The following PRKD3 variants were observed in gnomAD, a reference collection of about 807,000 sequenced individuals.
PRKD3 encodes the protein protein kinase D3, also known as serine/threonine-protein kinase D3.
In PRKD3, 47 loss-of-function variants were observed where a neutral mutation model predicts 99.2. That is an observed-to-expected ratio of 0.47 (90% CI 0.38 to 0.60). PRKD3 has a LOEUF of 0.60. Ranked by LOEUF, PRKD3 falls within the 20% of genes least tolerant of loss-of-function variation. PRKD3 has a pLI of 0.00. For missense variants in PRKD3, 1,019 were observed against 1,088.4 expected, an observed-to-expected ratio of 0.94 and a Z score of 0.90; for synonymous variants, 392 against 355.4, an observed-to-expected ratio of 1.10 and a Z score of -1.16.
chr2:37,272,237 C>T, intron 12 of PRKD3, 143 bp downstream of exon 12: 1 of 1,245,066 alleles, frequency 8.0e-7, no homozygotes, highest in Non-Finnish European at 1.1e-6. Flanking sequence ...CTCTATAAAG[C>T]AGAACTCCTT....
At chr2:37,291,275 T>C (rs1343134475) in intron 3 of PRKD3, among the ~76,000 whole-genome samples, 1 of 152,210 alleles carries the variant, frequency 6.6e-6, no homozygotes, top group Non-Finnish European at 1.5e-5. Context: ...AAACAGACAT[T>C]AGGTTACTTT....
chr2:37,299,268 GAAGAA>G (rs1670807287), intron 2 of PRKD3, among the ~76,000 whole-genome samples: 1 of 152,022 alleles, frequency 6.6e-6, no homozygotes, highest in African/African-American at 2.4e-5. Flanking sequence ...TCATATTCTA[GAAGAA>G]AACAATGGGG....
chr2:37,299,376 A>G (rs146106882), intron 2 of PRKD3, among the ~76,000 whole-genome samples: 40 of 152,252 alleles, frequency 2.6e-4, no homozygotes, highest in African/African-American at 8.9e-4. Flanking sequence ...AGGGGGTCAC[A>G]TCAAGCTAAA....
Position 37,279,809 on chromosome 2 carries a change from A to C in PRKD3, c.1109T>G (p.Met370Arg). 1 of 1,613,906 alleles carries C rather than the reference A, an allele frequency of 6.2e-7. No homozygotes were observed. The highest frequency in any genetic ancestry group is 8.5e-7 in the Non-Finnish European group (1 of 1,179,960). The change falls in exon 8 of 19, where the codon ATG becomes AGG. Residue 370 changes from methionine to arginine, a missense_variant. Coordinates refer to ENST00000234179, the MANE Select transcript of PRKD3 (RefSeq NM_005813.6). ...TEEPSPPEDK[M>R]FFLDPSDLDV... is the part of the protein sequence containing the mutation. ...GAGATCAGATGGATCCAAGAAGAAC[A>C]TCTTATCTTCTGGGGGTGATGGCTC...
chr2:37,312,837 A>G (rs553220769), intron 2 of PRKD3, among the ~76,000 whole-genome samples: 1 of 152,330 alleles, frequency 6.6e-6, no homozygotes, highest in Admixed American at 6.5e-5. Context: ...AGAGGCTTGC[A>G]GGAACCTATC....
intron 2 of PRKD3, among the ~76,000 whole-genome samples, chr2:37,305,575 G>C (rs1671125746): frequency 6.6e-6 from 1 of 152,224 alleles, no homozygotes; most frequent in African/African-American, 2.4e-5. Context: ...ATCAGAAATT[G>C]TGCAAAGCAC....
intron 2 of PRKD3, among the ~76,000 whole-genome samples, chr2:37,315,378 T>C (rs1671613762): frequency 1.3e-5 from 2 of 152,184 alleles, no homozygotes; most frequent in Admixed American, 1.3e-4. Flanking sequence ...TATTTTGTCG[T>C]ATATTCAAAA....
intron 16 of PRKD3, among the ~76,000 whole-genome samples, chr2:37,259,046 C>T (rs1668203827): frequency 1.1e-5 from 1 of 94,408 alleles, no homozygotes; most frequent in Non-Finnish European, 2.3e-5. Context: ...TCAAGATGAA[C>T]ACTTGGAAAA....
intron 1 of PRKD3, among the ~76,000 whole-genome samples, chr2:37,319,529 A>G (rs1257035287): frequency 1.1e-4 from 17 of 152,348 alleles, no homozygotes; most frequent in South Asian, 1.0e-3. Flanking sequence ...TGTGCAATAC[A>G]GAAATGGGGA....
chr2:37,315,427 C>T (rs1671615755), intron 2 of PRKD3, among the ~76,000 whole-genome samples: 1 of 151,994 alleles, frequency 6.6e-6, no homozygotes, highest in African/African-American at 2.4e-5. Context: ...AAGCATGGTC[C>T]TATATTAAAT....
In PRKD3 at chr2:37,266,371, G is replaced by A. The variant is rs546860406; in HGVS notation, c.1884+1059C>T. Among the ~76,000 whole-genome samples, 5 of 152,284 alleles carry A rather than the reference G, an allele frequency of 3.3e-5. No individual in the cohort carries two copies. In the South Asian group the frequency reaches 6.2e-4, roughly 19 times the overall value. ...ACGGAGTTTCCCTCTTGTTGCCCAG[G>A]CTGGAGTGCAATGGCATGATCTCAG... On this transcript the variant is annotated intron_variant, in intron 14 of 18. Coordinates refer to ENST00000234179, the MANE Select transcript of PRKD3 (RefSeq NM_005813.6).
intron 14 of PRKD3, among the ~76,000 whole-genome samples, chr2:37,264,395 T>C (rs950971329): frequency 2.6e-5 from 4 of 152,132 alleles, no homozygotes; most frequent in African/African-American, 9.7e-5. Flanking sequence ...CAAAGATGCC[T>C]TGTCTCGCAG....
chr2:37,277,768 T>TTA (rs1196465296), intron 9 of PRKD3, 98 bp downstream of exon 9: 11 of 1,341,724 alleles, frequency 8.2e-6, no homozygotes, highest in Non-Finnish European at 1.0e-5. Flanking sequence ...ATATAATGTC[T>TTA]TAATATGTAT....
At chr2:37,312,529 T>C (rs899888822) in intron 2 of PRKD3, among the ~76,000 whole-genome samples, 12 of 152,208 alleles carry the variant, frequency 7.9e-5, no homozygotes, top group Non-Finnish European at 1.6e-4. Context: ...AAGAGTCCTT[T>C]TCACAGTCTA....
Position 37,254,308 on chromosome 2 carries a change from C to T in PRKD3, c.2414-19G>A, listed in dbSNP as rs766444009. 6.3e-7 allele frequency: 1 copy of T among 1,597,028 alleles called. No homozygotes were observed. The highest frequency in any genetic ancestry group is 1.1e-5 in the South Asian group (1 of 90,710). On this transcript the variant is annotated intron_variant, in intron 17 of 18. Coordinates refer to ENST00000234179, the MANE Select transcript of PRKD3 (RefSeq NM_005813.6). ...TCAATTGCTAAGGGAAAAGACAAAA[C>T]AAGATACATGAATTTGGGTGCACAG...
At chr2:37,312,214 G>C (rs1285510489) in intron 2 of PRKD3, among the ~76,000 whole-genome samples, 1 of 152,056 alleles carries the variant, frequency 6.6e-6, no homozygotes, top group Admixed American at 6.6e-5. Context: ...GGAAAAAATA[G>C]ACACAAACAT....
chr2:37,314,079 T>A (rs1671559479), intron 2 of PRKD3, among the ~76,000 whole-genome samples: 1 of 152,108 alleles, frequency 6.6e-6, no homozygotes, highest in Admixed American at 6.5e-5. Flanking sequence ...AATCTACAAT[T>A]GTAGTTGAGA....
chr2:37,268,591 G>A (rs1214094441), intron 13 of PRKD3: 6 of 244,152 alleles, frequency 2.5e-5, no homozygotes, highest in Non-Finnish European at 4.9e-5. Flanking sequence ...GTACCAAAGG[G>A]GAACCATGTT....
chr2:37,306,260 G>A (rs1671161898), intron 2 of PRKD3, among the ~76,000 whole-genome samples: 1 of 152,048 alleles, frequency 6.6e-6, no homozygotes, highest in South Asian at 2.1e-4. Context: ...ATTTCTGTTT[G>A]GCTCAATTCC....
Sources: allele counts gnomAD v4.1 joint callset (sites outside exome capture counted in the v4.1 genomes callset), GRCh38; gene constraint gnomAD v4.1.1; transcripts MANE v1.5; gene names NCBI Gene and HGNC (gene_info 2026-07-23, HGNC 2026-07-21).